Variants in PRKAG2 observed in about 807,000 individuals in gnomAD.
PRKAG2 encodes the protein protein kinase AMP-activated non-catalytic subunit gamma 2.
Under a neutral mutation model 69.6 loss-of-function variants are expected in PRKAG2, and 26 were observed. The ratio of observed to expected loss-of-function variants is 0.37; its 90% CI spans 0.27 to 0.52. The LOEUF is 0.52. PRKAG2 is among the 20% of genes least tolerant of loss of function. The pLI is 0.90. For missense variants in PRKAG2, 557 were observed against 740.0 expected (o/e 0.75, Z 2.87); for synonymous variants, 293 against 285.0 (o/e 1.03, Z -0.28).
At chr7:151,750,778 G>A (rs2074615354) in intron 3 of PRKAG2, among the ~76,000 whole-genome samples, 1 of 152,028 alleles carries the variant, frequency 6.6e-6, no homozygotes, top group South Asian at 2.1e-4. Flanking sequence ...CTACTAAGGA[G>A]GCTAAGGTGG....
intron 1 of PRKAG2, among the ~76,000 whole-genome samples, chr7:151,804,688 G>A (rs932936944): frequency 3.9e-5 from 6 of 152,158 alleles, no homozygotes; most frequent in Non-Finnish European, 7.3e-5. Context: ...TTGGTAAGAC[G>A]TGGCATCTGT....
intron 10 of PRKAG2, 83 bp downstream of exon 10, chr7:151,570,088 T>A: frequency 6.7e-7 from 1 of 1,484,290 alleles, no homozygotes; most frequent in East Asian, 2.3e-5. Flanking sequence ...AAGAACATGT[T>A]TATTTGTGTC....
Position 151,699,768 on chromosome 7 carries a change from G to C in PRKAG2, c.467-24131C>G, listed in dbSNP as rs73484117. On this transcript the variant is annotated intron_variant, in intron 3 of 15. Transcript: ENST00000287878. The surrounding 1 kb of genome is among the most constrained non-coding windows in gnomAD (Gnocchi z 4.5). ...TCTTTTCATCAATCATTGAAAGCAGGACGAGGAGGCTGGGACACAGCAAGG... is the reference window on the plus strand; with the variant it reads ...TCTTTTCATCAATCATTGAAAGCAGCACGAGGAGGCTGGGACACAGCAAGG... Among the ~76,000 whole-genome samples, 2,149 of 152,310 alleles carry C rather than the reference G, an allele frequency of 0.014. 51 individuals carry two copies. The highest frequency in any genetic ancestry group is 0.049 in the African/African-American group (2,041 of 41,556).
chr7:151,675,615 C>T lies in PRKAG2; in HGVS notation c.489G>A (p.Pro163=), dbSNP rs556852534. 45 of 1,613,764 alleles carry T rather than the reference C, an allele frequency of 2.8e-5. No individual in the cohort carries two copies. The highest frequency in any genetic ancestry group is 1.7e-4 in the African/African-American group (13 of 74,988). Residue 163 remains proline, a synonymous_variant, in exon 4 of 16, where the codon CCG becomes CCA. Coordinates refer to ENST00000287878, the MANE Select transcript of PRKAG2 (RefSeq NM_016203.4). ...SRKTSGLSSS[P]STPTQVTKQH... is the part of the protein sequence containing the mutation. ...GCTTGGTCACTTGGGTGGGTGTTGA[C>T]GGAGAGGAGGAGAGGCCGGAGGCTG...
intron 4 of PRKAG2, among the ~76,000 whole-genome samples, chr7:151,651,092 A>G (rs561732140): frequency 7.9e-5 from 12 of 152,224 alleles, no homozygotes; most frequent in African/African-American, 2.9e-4. Context: ...CAAAAATTAG[A>G]ATTTTGGAAA....
chr7:151,809,099 G>C (rs892992608), intron 1 of PRKAG2: 6 of 401,362 alleles, frequency 1.5e-5, no homozygotes, highest in African/African-American at 1.2e-4. Context: ...TCAGAGGGAA[G>C]GGGTGGTGGC....
intron 3 of PRKAG2, among the ~76,000 whole-genome samples, chr7:151,732,983 G>A (rs1159564362): frequency 6.6e-6 from 1 of 152,188 alleles, no homozygotes; most frequent in Non-Finnish European, 1.5e-5. Context: ...GTGAGCCACC[G>A]TGCCAGGCCC....
intron 15 of PRKAG2, chr7:151,557,725 C>T (rs1041865507): frequency 1.3e-5 from 6 of 468,716 alleles, no homozygotes; most frequent in Non-Finnish European, 1.4e-5. Context: ...CAAAAATTAG[C>T]TGGGCGTAGT....
intron 4 of PRKAG2, among the ~76,000 whole-genome samples, chr7:151,658,484 A>C (rs934838969): frequency 2.5e-4 from 11 of 43,542 alleles, no homozygotes; most frequent in African/African-American, 6.1e-4. Flanking sequence ...GATTGTCGCA[A>C]AAAAAAAAAA....
intron 3 of PRKAG2, among the ~76,000 whole-genome samples, chr7:151,687,016 T>G (rs1186976156): frequency 6.6e-6 from 1 of 152,246 alleles, no homozygotes; most frequent in Admixed American, 6.5e-5. Flanking sequence ...TATAGGGCTT[T>G]GTATACCCAA....
At chr7:151,855,002 CCACACACACCACCCTCCACACACACCATG>C (rs1563756455) in intron 1 of PRKAG2, among the ~76,000 whole-genome samples, 691 of 32,774 alleles carry the variant, frequency 0.021, 87 homozygotes, top group Non-Finnish European at 0.029. Context: ...ACACCATGCT[CCACACACACCACCCTCCACACACACCATG>C]CTCCACACAC....
intron 3 of PRKAG2, among the ~76,000 whole-genome samples, chr7:151,679,639 C>G (rs1833531240): frequency 6.6e-6 from 1 of 152,184 alleles, no homozygotes; most frequent in African/African-American, 2.4e-5. Context: ...TGTGACAGCC[C>G]TGCAGAGAAA....
chr7:151,710,684 C>T (rs1435318234), intron 3 of PRKAG2, among the ~76,000 whole-genome samples: 1 of 152,234 alleles, frequency 6.6e-6, no homozygotes, highest in African/African-American at 2.4e-5. Context: ...TTGCCACATG[C>T]TCATTCAGCT....
At chr7:151,718,799 G>C (rs1389914816) in intron 3 of PRKAG2, among the ~76,000 whole-genome samples, 1 of 152,014 alleles carries the variant, frequency 6.6e-6, no homozygotes, top group East Asian at 1.9e-4. Flanking sequence ...AAAGATGACG[G>C]CTCAATGGGA....
chr7:151,558,058 C>T (rs1055204411), intron 15 of PRKAG2: 9 of 985,198 alleles, frequency 9.1e-6, no homozygotes, highest in Admixed American at 1.2e-4. Flanking sequence ...TGAAAGAGAT[C>T]GGCAATCTAT....
rs1461640838 is a variant in PRKAG2 at position 151,830,794 on chromosome 7, G to GT, written c.115-44254_115-44253insA. Among the ~76,000 whole-genome samples the GT allele has an allele frequency of 9.1e-4, 134 of 146,650 alleles. No homozygotes were observed. In the South Asian group the frequency reaches 0.016, roughly 18 times the overall value. On this transcript the variant is annotated intron_variant, in intron 1 of 15. Coordinates refer to ENST00000287878, the MANE Select transcript of PRKAG2 (RefSeq NM_016203.4). ...CTTAGGATGGGGGCGGGGCGGGGGG[G>GT]GGTTGTGATGAGAGGGAGGAGCGTG...
chr7:151,874,546 G>A (rs2080341896), intron 1 of PRKAG2, among the ~76,000 whole-genome samples: 1 of 150,866 alleles, frequency 6.6e-6, no homozygotes, highest in African/African-American at 2.4e-5. Flanking sequence ...ATATGTATAT[G>A]TATATGTATA....
intron 3 of PRKAG2, among the ~76,000 whole-genome samples, chr7:151,726,367 G>A (rs977791436): frequency 6.6e-5 from 7 of 106,706 alleles, no homozygotes; most frequent in African/African-American, 1.5e-4. Context: ...CACCAGGGAG[G>A]CAGGACACAC....
intron 3 of PRKAG2, among the ~76,000 whole-genome samples, chr7:151,740,997 G>A (rs1315285703): frequency 2.0e-5 from 3 of 152,242 alleles, no homozygotes; most frequent in Non-Finnish European, 2.9e-5. Context: ...TTCATGTTTA[G>A]ATGTCTTTTT....
Sources: allele counts gnomAD v4.1 joint callset (sites outside exome capture counted in the v4.1 genomes callset), GRCh38; gene constraint gnomAD v4.1.1; non-coding constraint Gnocchi (gnomAD v3.1); transcripts MANE v1.5; gene names NCBI Gene and HGNC (gene_info 2026-07-23, HGNC 2026-07-21).